Variants in TTI1 observed in about 807,000 individuals in gnomAD.
TTI1 encodes TELO2-interacting protein 1 homolog.
A neutral mutation model predicts 85.4 loss-of-function variants in TTI1; 52 were observed. The ratio of observed to expected loss-of-function variants is 0.61; its 90% confidence interval spans 0.49 to 0.77. The LOEUF (loss-of-function observed/expected upper bound fraction) is 0.77, where lower values mean the gene tolerates loss of function less well. Among genes scored for constraint, TTI1 ranks in the 30% least tolerant of loss-of-function variants. The pLI is 0.00. For missense variants in TTI1, 1,173 were observed against 1,296.0 expected (o/e 0.91, Z 1.46); for synonymous variants, 512 against 503.9 (o/e 1.02, Z -0.22).
chr20:38,032,852 G>GT (rs1366453312), intron 1 of TTI1, among the ~76,000 whole-genome samples: 1 of 152,136 alleles, frequency 6.6e-6, no homozygotes, highest in Non-Finnish European at 1.5e-5. Context: ...GCCTCAAATA[G>GT]TGTGTCTCAA....
intron 7 of TTI1, among the ~76,000 whole-genome samples, chr20:37,992,881 G>A (rs2073284481): frequency 6.6e-6 from 1 of 152,158 alleles, no homozygotes; most frequent in South Asian, 2.1e-4. Flanking sequence ...GGGCATGCCG[G>A]GAGACATCCT....
chr20:38,016,893 C>T (rs2073690573), intron 1 of TTI1, among the ~76,000 whole-genome samples: 1 of 152,232 alleles, frequency 6.6e-6, no homozygotes, highest in South Asian at 2.1e-4. Context: ...TATACCTAAG[C>T]ATTACCATGG....
chr20:38,016,862 CAGATACTTCT>C (rs1232287930), intron 1 of TTI1, among the ~76,000 whole-genome samples: 2 of 152,310 alleles, frequency 1.3e-5, no homozygotes, highest in African/African-American at 4.8e-5. Flanking sequence ...GCATGAAGGG[CAGATACTTCT>C]AGGTAGAAGC....
intron 2 of TTI1, among the ~76,000 whole-genome samples, chr20:38,010,336 T>A (rs919217710): frequency 6.6e-6 from 1 of 152,122 alleles, no homozygotes; most frequent in Non-Finnish European, 1.5e-5. Context: ...AGTACTGAGA[T>A]AAATACTGGA....
In TTI1 at chr20:38,012,189, T is replaced by C; in HGVS notation, c.1628A>G (p.Glu543Gly). ...TTCTGGGTTTGTTTTAATATGTTTT[T>C]CGTGAAGATCCTCAACCTCCAGCCC... ...AAGLEVEDLH[E>G]KHIKTNPEEL... Residue 543 changes from glutamate to glycine, a missense_variant, in exon 2 of 8, where the codon GAA becomes GGA. Transcript: ENST00000373447. The C allele has an allele frequency of 6.2e-7, 1 of 1,614,214 alleles. No individual in the cohort carries two copies. Among genetic ancestry groups the C allele is most frequent in the Non-Finnish European group, 8.5e-7 (1 of 1,180,040 alleles).
At chr20:38,028,083 C>T (rs1387773361) in intron 1 of TTI1, among the ~76,000 whole-genome samples, 3 of 152,020 alleles carry the variant, frequency 2.0e-5, no homozygotes, top group African/African-American at 4.8e-5. Flanking sequence ...AATAGATGGC[C>T]GCAGTTCAAA....
At chr20:38,027,967 T>C (rs1189971065) in intron 1 of TTI1, among the ~76,000 whole-genome samples, 1 of 152,108 alleles carries the variant, frequency 6.6e-6, no homozygotes, top group Non-Finnish European at 1.5e-5. Context: ...TTACTATTCA[T>C]TAAGTGGAAG....
rs770653796 is a variant in TTI1 at position 38,011,779 on chromosome 20, G to A, written c.2038C>T (p.Arg680Cys). The A allele has an allele frequency of 2.4e-5, 38 of 1,614,084 alleles. No individual in the cohort carries two copies. Among genetic ancestry groups the A allele is most frequent in the Admixed American group, 1.8e-4 (11 of 60,006 alleles). The change falls in exon 2 of 8, where the codon CGT becomes TGT. Residue 680 changes from arginine (R) to cysteine (C), a missense_variant. Transcript: ENST00000373447. Reference protein sequence around the residue: ...VATSTMMDVCRACGYDSLQHL... With the variant: ...VATSTMMDVCCACGYDSLQHL... ...TGCAGGGAGTCGTAGCCACAAGCAC[G>A]GCAAACGTCCATCATGGTGCTGGTA...
rs1400545263 is a variant in TTI1 at position 37,996,449 on chromosome 20, C to G, written c.3012G>C (p.Leu1004=). The change falls in exon 7 of 8, where the codon CTG becomes CTC. Residue 1004 remains leucine, a synonymous_variant. Coordinates refer to ENST00000373447, the MANE Select transcript of TTI1 (RefSeq NM_001303457.2). ...TCAAGCAGGCATCAGCCACTTTATT[C>G]AGGTCACCCTCACCTGCAGAAAAGA... ...CERLDLGEGD[L]NKVADACLIY... 4 of 1,613,868 alleles carry G rather than the reference C, an allele frequency of 2.5e-6. No individual in the cohort carries two copies. The highest frequency in any genetic ancestry group is 3.4e-6 in the Non-Finnish European group (4 of 1,180,018).
intron 2 of TTI1, among the ~76,000 whole-genome samples, chr20:38,008,327 C>A (rs1407753369): frequency 6.6e-6 from 1 of 152,106 alleles, no homozygotes; most frequent in East Asian, 1.9e-4. Flanking sequence ...CAAAGATATT[C>A]AATGCAGCAT....
chr20:38,020,323 A>AAATATATAT, intron 1 of TTI1, among the ~76,000 whole-genome samples: 24 of 50,386 alleles, frequency 4.8e-4, no homozygotes, highest in Admixed American at 8.6e-4. Flanking sequence ...AAAAAAAAAA[A>AAATATATAT]ATATATATAT....
chr20:38,014,482 G>A (rs1205738033), intron 1 of TTI1, among the ~76,000 whole-genome samples: 1 of 152,076 alleles, frequency 6.6e-6, no homozygotes, highest in African/African-American at 2.4e-5. Context: ...TCATTAAGAG[G>A]TTTAAAGCAA....
At chr20:37,992,465 C>G (rs945321063) in intron 7 of TTI1, among the ~76,000 whole-genome samples, 4 of 152,100 alleles carry the variant, frequency 2.6e-5, no homozygotes, top group Non-Finnish European at 5.9e-5. Flanking sequence ...TCAGTAGAGA[C>G]AGGGTTTCGC....
intron 2 of TTI1, among the ~76,000 whole-genome samples, chr20:38,008,978 ATTT>A (rs879376039): frequency 3.2e-4 from 46 of 143,302 alleles, no homozygotes; most frequent in South Asian, 2.2e-3. Context: ...CCTCCACCTC[ATTT>A]TTTTTTTTTT....
intron 7 of TTI1, 146 bp downstream of exon 7, chr20:37,996,229 T>G: frequency 1.3e-6 from 1 of 792,952 alleles, no homozygotes; most frequent in Non-Finnish European, 2.0e-6. Context: ...AAATACCATC[T>G]CTAGTGCTGG....
intron 5 of TTI1, among the ~76,000 whole-genome samples, chr20:37,998,551 C>T (rs944867525): frequency 1.3e-5 from 2 of 152,118 alleles, no homozygotes; most frequent in African/African-American, 2.4e-5. Context: ...CTAAAATATC[C>T]GTGCTAATGT....
intron 7 of TTI1, among the ~76,000 whole-genome samples, chr20:37,991,707 A>G (rs2073267556): frequency 6.6e-6 from 1 of 152,268 alleles, no homozygotes; most frequent in South Asian, 2.1e-4. Context: ...TAACATACAC[A>G]TCATGTATAA....
Position 38,002,677 on chromosome 20 carries a change from T to A in TTI1, c.2603A>T (p.Glu868Val). 2 of 1,614,240 alleles carry A rather than the reference T, an allele frequency of 1.2e-6. No homozygotes were observed. Among genetic ancestry groups the A allele is most frequent in the Non-Finnish European group, 1.7e-6 (2 of 1,180,044 alleles). Residue 868 changes from glutamate to valine, a missense_variant, in exon 4 of 8, where the codon GAA becomes GTA. Glu to Val is a moderately radical substitution (Grantham distance 121). Coordinates refer to ENST00000373447, the MANE Select transcript of TTI1 (RefSeq NM_001303457.2). ...ATCTGACAACAAGTGGATGCAGCGT[T>A]CCATCACGTCCATGGCTATTTGGAT... ...LQIQIAMDVMERCIHLLSDKN... is the reference protein window; with the variant it reads ...LQIQIAMDVMVRCIHLLSDKN...
At position 38,004,555 on chromosome 20, in the gene TTI1, C is replaced by T. The variant is rs186963684; in HGVS notation, c.2503+1642G>A. ...ACAAAAAACTCATGTCAAGCCAGCA[C>T]TGAGGCAAACATTCCTTAGAATGCC... On this transcript the variant is annotated intron_variant, in intron 3 of 7. Transcript: ENST00000373447. Among the ~76,000 whole-genome samples, 3 of 152,358 alleles carry T rather than the reference C, an allele frequency of 2.0e-5. No individual in the cohort carries two copies. In the East Asian group the frequency reaches 5.8e-4, roughly 29 times the overall value.
Sources: gnomAD v4.1 joint callset for allele counts (sites outside exome capture counted in the v4.1 genomes callset) on GRCh38, gnomAD v4.1.1 for gene constraint, MANE v1.5 for transcripts, NCBI Gene and HGNC (gene_info 2026-07-23, HGNC 2026-07-21) for gene names.